DPP9: variants seen among roughly 807,000 people sequenced by gnomAD.
DPP9 encodes the protein dipeptidyl peptidase 9, also known as dipeptidyl peptidase IV-related protein-2.
In DPP9, 50 loss-of-function variants were observed where a neutral mutation model predicts 110.7. The observed-to-expected ratio is 0.45, with a 90% CI of 0.36 to 0.57. The LOEUF is 0.57. Ranked by LOEUF, DPP9 falls within the 20% of genes least tolerant of loss-of-function variation. The pLI is 0.00. For missense variants in DPP9, 1,022 were observed against 1,217.9 expected (o/e 0.84, Z 2.39); for synonymous variants, 561 against 514.4 (o/e 1.09, Z -1.23).
Position 4,684,721 on chromosome 19 carries a change from T to C in DPP9, c.2120A>G (p.Asp707Gly), listed in dbSNP as rs753225029. Residue 707 changes from aspartate (D) to glycine (G), a missense_variant, in exon 18 of 22, where the codon GAC (aspartate) becomes GGC (glycine). By Grantham distance (94) the Asp-to-Gly change is moderately conservative. Coordinates refer to ENST00000262960, the MANE Select transcript of DPP9 (RefSeq NM_139159.5). The surrounding 1 kb of genome is among the most constrained non-coding windows in gnomAD (Gnocchi z 4.8). The part of the protein sequence containing the change: ...ASLGYAVVVI[D>G]GRGSCQRGLR... ...CCCTCGCTGACAGGAGCCCCTGCCG[T>C]CAATCACAACCACGGCGTAGCCCAG... 6.2e-7 allele frequency: 1 copy of C among 1,611,836 alleles called. No individual in the cohort carries two copies. Among genetic ancestry groups the C allele is most frequent in the Non-Finnish European group, 8.5e-7 (1 of 1,179,110 alleles).
At chr19:4,712,633 C>T (rs2092889099) in intron 4 of DPP9, among the ~76,000 whole-genome samples, 1 of 152,172 alleles carries the variant, frequency 6.6e-6, no homozygotes, top group Non-Finnish European at 1.5e-5. Context: ...CGGTGACTCT[C>T]CTGCTGTAGC....
At position 4,693,474 on chromosome 19, in the gene DPP9, C is replaced by T. The variant is rs2091506502; in HGVS notation, c.1516+1187G>A. 6.6e-6 allele frequency among the ~76,000 whole-genome samples: 1 copy of T among 152,178 alleles called. No individual in the cohort carries two copies. Among genetic ancestry groups the T allele is most frequent in the Non-Finnish European group, 1.5e-5 (1 of 68,022 alleles). ...AAACCCGACTCTGGATTTTTTCTCT[C>T]CTAGAACAGTCCCTCTCTGAGTCTG... On this transcript the variant is annotated intron_variant, in intron 13 of 21. Transcript: ENST00000262960. The surrounding 1 kb of genome is among the most constrained non-coding windows in gnomAD (Gnocchi z 5.0).
At chr19:4,696,046 G>A (rs2091774573) in intron 11 of DPP9, among the ~76,000 whole-genome samples, 1 of 151,930 alleles carries the variant, frequency 6.6e-6, no homozygotes, top group South Asian at 2.1e-4. Flanking sequence ...GATTATAGGT[G>A]CCTGCCACCA....
rs1208748583 is a variant in DPP9 at position 4,689,264 on chromosome 19, G to A, written c.1749+306C>T. ...GTGGCCCTCTGCATGGCCACCGCCTGACATTCTAGAATGTTCTGAGAGGCT... is the reference window on the plus strand; with the variant it reads ...GTGGCCCTCTGCATGGCCACCGCCTAACATTCTAGAATGTTCTGAGAGGCT... On this transcript the variant is annotated intron_variant, in intron 15 of 21. Transcript: ENST00000262960. The surrounding 1 kb of genome is among the most constrained non-coding windows in gnomAD (Gnocchi z 7.0). 2.0e-5 allele frequency among the ~76,000 whole-genome samples: 3 copies of A among 152,198 alleles called. No homozygotes were observed. The highest frequency in any genetic ancestry group is 3.9e-4 in the East Asian group (2 of 5,190).
chr19:4,722,800 C>T (rs934764748), intron 1 of DPP9: 9 of 457,678 alleles, frequency 2.0e-5, no homozygotes, highest in Non-Finnish European at 3.5e-5. Flanking sequence ...ACGGTCCACA[C>T]CCCCTGGGCT....
intron 11 of DPP9, among the ~76,000 whole-genome samples, chr19:4,696,214 T>A: frequency 6.6e-6 from 1 of 152,106 alleles, no homozygotes; most frequent in Non-Finnish European, 1.5e-5. Context: ...ATGAACAATT[T>A]TTAAACTTGA....
chr19:4,700,100 G>A lies in DPP9; in HGVS notation c.1074+116C>T. On this transcript the variant is annotated intron_variant, in intron 10 of 21. Coordinates refer to ENST00000262960, the MANE Select transcript of DPP9 (RefSeq NM_139159.5). This position sits in a 1 kb window ranked among gnomAD's most constrained non-coding sequence, Gnocchi z 4.3. ...TAGGCGGACCGGGCGGCAGGGCTGG[G>A]GCCTGGGGAGTGCCCCCGAGAGGGA... The A allele has an allele frequency of 1.3e-6, 1 of 784,318 alleles. No homozygotes were observed. Among genetic ancestry groups the A allele is most frequent in the Non-Finnish European group, 1.9e-6 (1 of 520,590 alleles). The allele number at this position is 784,318 out of a possible 1,614,324, so 48.6% of individuals were successfully genotyped here.
intron 1 of DPP9, among the ~76,000 whole-genome samples, chr19:4,722,955 TC>T (rs1321182766): frequency 2.0e-5 from 3 of 151,994 alleles, no homozygotes; most frequent in Non-Finnish European, 4.4e-5. Flanking sequence ...CAGGGAAGTG[TC>T]AGGGCTGGCC....
rs1368646687 is a variant in DPP9, at chr19:4,685,450, G to C, written c.2031+176C>G. The C allele has an allele frequency of 1.4e-6, 1 of 705,782 alleles. No individual in the cohort carries two copies. Among genetic ancestry groups the C allele is most frequent in the South Asian group, 1.6e-5 (1 of 61,234 alleles). 43.7% of individuals were successfully genotyped at this position (705,782 alleles called of 1,614,324 possible). The stretch of plus-strand genomic sequence containing the variant: ...CGTGCAAACGGGCACAGAGAAAGGA[G>C]GGTGAGGGGCCCCGAGGACCCTGTG... On this transcript the variant is annotated intron_variant, in intron 17 of 21. Coordinates refer to ENST00000262960, the MANE Select transcript of DPP9 (RefSeq NM_139159.5). This position sits in a 1 kb window ranked among gnomAD's most constrained non-coding sequence, Gnocchi z 5.8.
intron 2 of DPP9, among the ~76,000 whole-genome samples, chr19:4,720,378 C>A (rs2093266907): frequency 6.6e-6 from 1 of 152,206 alleles, no homozygotes; most frequent in Non-Finnish European, 1.5e-5. Context: ...TCGCTCCTAG[C>A]ACACAGCTTC....
At chr19:4,692,309 C>T (rs1331071452) in intron 13 of DPP9, among the ~76,000 whole-genome samples, 2 of 152,106 alleles carry the variant, frequency 1.3e-5, no homozygotes, top group African/African-American at 4.8e-5. Context: ...GGCTCACTGT[C>T]CTTTCCTAAC....
chr19:4,705,680 G>A (rs975618534), intron 5 of DPP9, among the ~76,000 whole-genome samples, 178 bp downstream of exon 5: 3 of 152,260 alleles, frequency 2.0e-5, no homozygotes, highest in Admixed American at 6.5e-5. Flanking sequence ...TGTCGCTTGA[G>A]TACAGGTGGT....
At position 4,685,067 on chromosome 19, in the gene DPP9, A is replaced by T. The variant is rs2090490462; in HGVS notation, c.2032-258T>A. 3 of 652,270 alleles carry T rather than the reference A, an allele frequency of 4.6e-6. No individual in the cohort carries two copies. Among genetic ancestry groups the T allele is most frequent in the Non-Finnish European group, 8.5e-6 (3 of 353,474 alleles). 40.4% of individuals were successfully genotyped at this position (652,270 alleles called of 1,614,324 possible). On this transcript the variant is annotated intron_variant, in intron 17 of 21. Coordinates refer to ENST00000262960, the MANE Select transcript of DPP9 (RefSeq NM_139159.5). This position sits in a 1 kb window ranked among gnomAD's most constrained non-coding sequence, Gnocchi z 5.8. Reference sequence around the variant, plus strand: ...GGGCCACTGCCCCAGTCCTGCCTGGAACAACTACTCTGGCATGATGGACAT... The same window carrying T: ...GGGCCACTGCCCCAGTCCTGCCTGGTACAACTACTCTGGCATGATGGACAT...
chr19:4,705,812 C>T (rs147463744), intron 5 of DPP9, 46 bp downstream of exon 5: 25 of 1,595,834 alleles, frequency 1.6e-5, no homozygotes, highest in Non-Finnish European at 1.9e-5. Flanking sequence ...TGGCCTTTGC[C>T]ACCTCCTCGC....
At position 4,716,807 on chromosome 19, in the gene DPP9, T is replaced by C. The variant is rs183972278; in HGVS notation, c.57-2470A>G. Among the ~76,000 whole-genome samples, 68 of 152,114 alleles carry C rather than the reference T, an allele frequency of 4.5e-4. No individual in the cohort carries two copies. The East Asian group carries it at 0.013, about 29-fold the overall frequency. ...GAGTGAATGAGCAAAAGGGGTTCAG[T>C]GGAGGCAGCCCGGCCCCCGGCCTCC... On this transcript the variant is annotated intron_variant, in intron 3 of 21. Coordinates refer to ENST00000262960, the MANE Select transcript of DPP9 (RefSeq NM_139159.5).
Position 4,700,648 on chromosome 19 carries a change from C to T in DPP9, c.1013-371G>A, listed in dbSNP as rs1447561417. Among the ~76,000 whole-genome samples the T allele has an allele frequency of 6.6e-6, 1 of 152,198 alleles. No homozygotes were observed. The highest frequency in any genetic ancestry group is 1.5e-5 in the Non-Finnish European group (1 of 68,028). Reference sequence around the variant, plus strand: ...GAGAGCTCCAGAGCAGACGGTGAAGCCCGAGGCATCACAGTAAAACTGACA... The same window carrying T: ...GAGAGCTCCAGAGCAGACGGTGAAGTCCGAGGCATCACAGTAAAACTGACA... On this transcript the variant is annotated intron_variant, in intron 9 of 21. Transcript: ENST00000262960. This position sits in a 1 kb window ranked among gnomAD's most constrained non-coding sequence, Gnocchi z 4.3.
In DPP9 at chr19:4,703,951, T is replaced by C. The variant is rs764878303; in HGVS notation, c.704A>G (p.Asn235Ser). The C allele has an allele frequency of 6.2e-7, 1 of 1,613,752 alleles. No homozygotes were observed. The highest frequency in any genetic ancestry group is 1.1e-5 in the South Asian group (1 of 91,048). The change falls in exon 7 of 22, where the codon AAC becomes AGC. Residue 235 changes from asparagine to serine, a missense_variant. Physicochemically the swap from Asn to Ser is conservative, Grantham distance 46 (BLOSUM62 1). Coordinates refer to ENST00000262960, the MANE Select transcript of DPP9 (RefSeq NM_139159.5). ...GATGTTGGCCACCCACAGGTCGCTG[T>C]TATTGATGAAGGAGAAGAAGGCAGG... is the stretch of plus-strand genomic sequence containing the variant. ...ADPAFFSFIN[N>S]SDLWVANIET...
chr19:4,708,296 T>C (rs141860045), intron 4 of DPP9, among the ~76,000 whole-genome samples: 1 of 152,282 alleles, frequency 6.6e-6, no homozygotes, highest in Non-Finnish European at 1.5e-5. Flanking sequence ...CTGATGCCCA[T>C]TGCAAGGACA....
At chr19:4,691,996 G>A (rs540971587) in intron 13 of DPP9, among the ~76,000 whole-genome samples, 6 of 151,892 alleles carry the variant, frequency 4.0e-5, no homozygotes, top group Admixed American at 1.3e-4. Context: ...TTGTGGGGGC[G>A]AGGGGGTAGA....
Sources: allele counts gnomAD v4.1 joint callset (sites outside exome capture counted in the v4.1 genomes callset), GRCh38; gene constraint gnomAD v4.1.1; non-coding constraint Gnocchi (gnomAD v3.1); transcripts MANE v1.5; gene names NCBI Gene and HGNC (gene_info 2026-07-23, HGNC 2026-07-21).